The following PCDH9 variants were observed in gnomAD, a reference collection of about 807,000 sequenced individuals.
PCDH9 encodes the protein protocadherin 9, also known as protocadherin-9.
Under a neutral mutation model 70.6 loss-of-function variants are expected in PCDH9, and 24 were observed. The ratio of observed to expected loss-of-function variants is 0.34; its 90% confidence interval spans 0.25 to 0.48. The LOEUF is 0.48. Ranked by LOEUF, PCDH9 falls within the 20% of genes least tolerant of loss-of-function variation. The pLI, the probability that PCDH9 is intolerant of heterozygous loss-of-function variation, is 0.99. For synonymous variants in PCDH9, 562 were observed against 558.5 expected, an observed-to-expected ratio of 1.01 and a Z score of -0.09; for missense variants, 1,281 against 1,503.6, an observed-to-expected ratio of 0.85 and a Z score of 2.45.
chr13:66,736,290 T>A (rs1240100782), intron 3 of PCDH9, among the ~76,000 whole-genome samples: 2 of 152,148 alleles, frequency 1.3e-5, no homozygotes, highest in Non-Finnish European at 2.9e-5. Flanking sequence ...GTTAGGATGA[T>A]GCTATAAGGC....
intron 4 of PCDH9, among the ~76,000 whole-genome samples, chr13:66,586,623 C>T (rs1446373013): frequency 6.6e-6 from 1 of 152,130 alleles, no homozygotes; most frequent in Non-Finnish European, 1.5e-5. Flanking sequence ...GCTGACACCA[C>T]ATTTGTTAAC....
At chr13:66,392,181 G>A (rs1396445840) in intron 4 of PCDH9, among the ~76,000 whole-genome samples, 2 of 151,414 alleles carry the variant, frequency 1.3e-5, no homozygotes, top group Non-Finnish European at 2.9e-5. Context: ...AGATTAGGAA[G>A]TGACTGGAGA....
intron 2 of PCDH9, among the ~76,000 whole-genome samples, chr13:66,908,719 C>T (rs568681929): frequency 6.6e-6 from 1 of 152,130 alleles, no homozygotes; most frequent in Admixed American, 6.6e-5. Context: ...AGCCTATACT[C>T]ACAGCCTTTT....
intron 4 of PCDH9, among the ~76,000 whole-genome samples, chr13:66,339,860 A>G (rs74990688): frequency 6.6e-6 from 1 of 152,146 alleles, no homozygotes; most frequent in East Asian, 1.9e-4. Flanking sequence ...CACCACTTCT[A>G]TCATATCAGA....
intron 2 of PCDH9, among the ~76,000 whole-genome samples, chr13:67,004,522 A>T (rs2084309821): frequency 1.4e-5 from 2 of 145,468 alleles, no homozygotes; most frequent in Non-Finnish European, 3.0e-5. Context: ...GTGCCATTGC[A>T]CTCCAGCCTG....
chr13:66,890,047 C>T (rs915533194), intron 3 of PCDH9, among the ~76,000 whole-genome samples: 2 of 152,082 alleles, frequency 1.3e-5, no homozygotes, highest in Admixed American at 6.6e-5. Flanking sequence ...TCTATAGCAA[C>T]GATGGTCTCT....
chr13:67,029,535 A>G (rs1347157687), intron 2 of PCDH9, among the ~76,000 whole-genome samples: 1 of 152,134 alleles, frequency 6.6e-6, no homozygotes, highest in African/African-American at 2.4e-5. Context: ...AAAAGCTCAT[A>G]TATCCCTATG....
chr13:66,996,848 G>A (rs1212023558), intron 2 of PCDH9, among the ~76,000 whole-genome samples: 1 of 152,142 alleles, frequency 6.6e-6, no homozygotes, highest in Admixed American at 6.5e-5. Context: ...AAAATTAAAG[G>A]ATTTTTATAG....
chr13:67,217,739 T>A (rs554871926), intron 2 of PCDH9: 18 of 152,182 alleles, frequency 1.2e-4, no homozygotes, highest in African/African-American at 4.1e-4. Context: ...TGCTATATAG[T>A]CTTATAGACA....
rs111824187 is a variant in PCDH9, at chr13:66,960,371, C to T, written c.3037-56766G>A. ...GTGAATCAGAGTGCTTTGCTGACTA[C>T]CATATAAGTTATAATCTACATATAT... On this transcript the variant is annotated intron_variant, in intron 2 of 4. Coordinates refer to ENST00000377865, the MANE Select transcript of PCDH9 (RefSeq NM_203487.3). Among the ~76,000 whole-genome samples, 10 of 152,224 alleles carry T rather than the reference C, an allele frequency of 6.6e-5. 1 individual carries two copies. The highest frequency in any genetic ancestry group is 2.2e-4 in the African/African-American group (9 of 41,562).
intron 4 of PCDH9, among the ~76,000 whole-genome samples, chr13:66,540,044 T>C (rs1200352551): frequency 6.6e-6 from 1 of 151,664 alleles, no homozygotes; most frequent in African/African-American, 2.4e-5. Context: ...TATTTTTTAA[T>C]TTTTACTTTT....
intron 4 of PCDH9, among the ~76,000 whole-genome samples, chr13:66,513,034 G>T (rs1959560030): frequency 6.6e-6 from 1 of 151,896 alleles, no homozygotes; most frequent in Non-Finnish European, 1.5e-5. Context: ...CCGCAAGCTG[G>T]TCTCAAACTC....
intron 4 of PCDH9, among the ~76,000 whole-genome samples, chr13:66,483,858 C>A (rs1594050083): frequency 6.6e-6 from 1 of 152,222 alleles, no homozygotes; most frequent in East Asian, 1.9e-4. Context: ...AACTGGAGAC[C>A]CCTAGCGGGC....
intron 3 of PCDH9, among the ~76,000 whole-genome samples, chr13:66,634,610 T>C (rs1318148235): frequency 6.6e-6 from 1 of 152,148 alleles, no homozygotes; most frequent in Non-Finnish European, 1.5e-5. Context: ...AGGCTAAAAA[T>C]AGTGTTCCTG....
chr13:66,370,543 T>C (rs1956630403), intron 4 of PCDH9, among the ~76,000 whole-genome samples: 1 of 150,994 alleles, frequency 6.6e-6, no homozygotes, highest in South Asian at 2.1e-4. Context: ...CAGGGTTTCC[T>C]TCTGTTGCCC....
intron 3 of PCDH9, among the ~76,000 whole-genome samples, chr13:66,695,578 A>T (rs2078550956): frequency 1.3e-5 from 2 of 152,228 alleles, no homozygotes; most frequent in African/African-American, 2.4e-5. Context: ...ATAGCAAGAG[A>T]GGTTTTGAAA....
intron 4 of PCDH9, among the ~76,000 whole-genome samples, chr13:66,577,755 A>T (rs1218571029): frequency 1.3e-5 from 2 of 152,032 alleles, no homozygotes; most frequent in Non-Finnish European, 2.9e-5. Context: ...ATTGGTTAAA[A>T]GAGGGTTTTC....
intron 3 of PCDH9, among the ~76,000 whole-genome samples, chr13:66,693,833 C>G (rs924634072): frequency 1.3e-5 from 2 of 152,182 alleles, no homozygotes; most frequent in Non-Finnish European, 1.5e-5. Context: ...GAGCTTCCAT[C>G]TGTAAGACAC....
intron 2 of PCDH9, among the ~76,000 whole-genome samples, chr13:66,906,159 G>A (rs2082356916): frequency 6.6e-6 from 1 of 152,148 alleles, no homozygotes; most frequent in Admixed American, 6.6e-5. Context: ...AGACTGCTAA[G>A]GGACAGAGAA....
Sources: allele counts gnomAD v4.1 joint callset (sites outside exome capture counted in the v4.1 genomes callset), GRCh38; gene constraint gnomAD v4.1.1; transcripts MANE v1.5; gene names NCBI Gene and HGNC (gene_info 2026-07-23, HGNC 2026-07-21).